RANBP17: variants seen among roughly 807,000 people sequenced by gnomAD.
RANBP17 encodes the protein ran-binding protein 17.
Under a neutral mutation model 141.2 loss-of-function variants are expected in RANBP17, and 158 were observed. The observed-to-expected ratio is 1.12, with a 90% CI of 0.98 to 1.28. RANBP17 has a LOEUF of 1.28. Ranked by LOEUF, RANBP17 falls within the 50% of genes most tolerant of loss-of-function variation. The pLI is 0.00. For synonymous variants in RANBP17, 430 were observed against 450.0 expected (o/e 0.96, Z 0.56); for missense variants, 1,438 against 1,290.7 (o/e 1.11, Z -1.75).
At chr5:170,909,975 G>A (rs1771401847) in intron 6 of RANBP17, 1 of 368,906 alleles carries the variant, frequency 2.7e-6, no homozygotes, top group Non-Finnish European at 4.8e-6. Flanking sequence ...AAATCCAAAG[G>A]GAATCTAATA....
chr5:171,259,854 G>A (rs1301309068), intron 24 of RANBP17, among the ~76,000 whole-genome samples: 6 of 151,082 alleles, frequency 4.0e-5, no homozygotes, highest in South Asian at 2.1e-4. Flanking sequence ...GATGGCAGGC[G>A]CCTGTAATCC....
intron 14 of RANBP17, among the ~76,000 whole-genome samples, chr5:171,168,619 T>G (rs1561725269): frequency 6.6e-6 from 1 of 152,176 alleles, no homozygotes; most frequent in Non-Finnish European, 1.5e-5. Flanking sequence ...TATTGAGGAT[T>G]GTTGGTAACT....
Position 171,266,445 on chromosome 5 carries a change from A to G in RANBP17, c.2943+598A>G, listed in dbSNP as rs899841455. ...AGCTAATGGGTTAGGTCCAAGTTTA[A>G]TACCATTTTTTAAAAACTCACTTGT... On this transcript the variant is annotated intron_variant, in intron 25 of 27. Coordinates refer to ENST00000523189, the MANE Select transcript of RANBP17 (RefSeq NM_022897.5). Among the ~76,000 whole-genome samples the G allele has an allele frequency of 2.0e-5, 3 of 152,190 alleles. No individual in the cohort carries two copies. The East Asian group carries it at 5.8e-4, about 29-fold the overall frequency.
intron 20 of RANBP17, among the ~76,000 whole-genome samples, chr5:171,210,429 C>G (rs984615264): frequency 2.0e-5 from 3 of 152,154 alleles, no homozygotes; most frequent in Non-Finnish European, 4.4e-5. Flanking sequence ...GTAGTGAATA[C>G]TGTGTGCTCT....
intron 14 of RANBP17, among the ~76,000 whole-genome samples, chr5:170,979,517 G>A (rs1461357503): frequency 6.6e-6 from 1 of 152,152 alleles, no homozygotes; most frequent in Admixed American, 6.5e-5. Context: ...ATGTGTTGTG[G>A]GAGGGACCCA....
At chr5:171,009,413 T>C (rs1377082691) in intron 14 of RANBP17, among the ~76,000 whole-genome samples, 1 of 152,186 alleles carries the variant, frequency 6.6e-6, no homozygotes, top group East Asian at 1.9e-4. Flanking sequence ...TCATGTAAAA[T>C]GAAAGGATTG....
chr5:170,944,088 T>C (rs894134021), intron 12 of RANBP17, among the ~76,000 whole-genome samples: 25 of 152,188 alleles, frequency 1.6e-4, no homozygotes, highest in Non-Finnish European at 8.8e-5. Context: ...GTTCTGCATA[T>C]GAGTGAGACC....
intron 16 of RANBP17, among the ~76,000 whole-genome samples, chr5:171,180,800 G>A (rs1760814524): frequency 6.6e-6 from 1 of 152,164 alleles, no homozygotes; most frequent in Admixed American, 6.5e-5. Context: ...GGTACAAAGT[G>A]CACAGATGCC....
Position 170,892,553 on chromosome 5 carries a change from G to C in RANBP17, c.423G>C (p.Gln141His), listed in dbSNP as rs1561861574. 1 of 1,612,072 alleles carries C rather than the reference G, an allele frequency of 6.2e-7. No individual in the cohort carries two copies. Among genetic ancestry groups the C allele is most frequent in the African/African-American group, 1.3e-5 (1 of 74,788 alleles). Reference sequence around the variant, plus strand: ...TTGCTGATGTGAAGAAGTTTCTCCAGGTAAGAAGTCATTGCTACATGGTTA... The same window carrying C: ...TTGCTGATGTGAAGAAGTTTCTCCACGTAAGAAGTCATTGCTACATGGTTA... ...EIIADVKKFL[Q>H]GTVEHCIIGV... Residue 141 changes from glutamine (Q) to histidine (H), a missense_variant and splice_region_variant, in exon 4 of 28, where the codon CAG (glutamine) becomes CAC (histidine). Gln to His is a conservative substitution (Grantham distance 24, BLOSUM62 0). Transcript: ENST00000523189.
rs1014114834 is a variant in RANBP17 at position 171,064,164 on chromosome 5, ACCCACTGTCCTGCG to A, written c.1710+95797_1710+95810del. Reference sequence around the variant, plus strand: ...CTTCGGCTCACACACGGTGCGCTGCACCCACTGTCCTGCGCCCACTGTCTGGCACTCCTTAGTGA... The same window carrying A: ...CTTCGGCTCACACACGGTGCGCTGCACCCACTGTCTGGCACTCCTTAGTGA... On this transcript the variant is annotated intron_variant, in intron 14 of 27. Transcript: ENST00000523189. 1.8e-4 allele frequency among the ~76,000 whole-genome samples: 27 copies of A among 152,276 alleles called. No homozygotes were observed. The East Asian group carries it at 4.3e-3, about 24-fold the overall frequency.
chr5:171,218,942 A>G (rs1763389039), intron 21 of RANBP17, among the ~76,000 whole-genome samples: 1 of 152,156 alleles, frequency 6.6e-6, no homozygotes, highest in Admixed American at 6.5e-5. Context: ...TGTCATCATG[A>G]TGCTAGCTGG....
chr5:171,156,083 A>C (rs988967614), intron 14 of RANBP17, among the ~76,000 whole-genome samples: 3 of 152,108 alleles, frequency 2.0e-5, no homozygotes, highest in African/African-American at 7.2e-5. Flanking sequence ...ATTCTTATGG[A>C]TATGTGAAGA....
chr5:171,135,127 A>G (rs999533403), intron 14 of RANBP17, among the ~76,000 whole-genome samples: 14 of 151,314 alleles, frequency 9.3e-5, no homozygotes, highest in Admixed American at 2.6e-4. Context: ...AAAAATAATA[A>G]TAATTAGCCA....
rs529366849 is a variant in RANBP17, at chr5:171,147,248, A to G, written c.1711-22882A>G. 2.6e-5 allele frequency among the ~76,000 whole-genome samples: 4 copies of G among 151,730 alleles called. No homozygotes were observed. The East Asian group carries it at 7.7e-4, about 29-fold the overall frequency. On this transcript the variant is annotated intron_variant, in intron 14 of 27. Coordinates refer to ENST00000523189, the MANE Select transcript of RANBP17 (RefSeq NM_022897.5). ...CACAATGAGTGGCATATACATTTTT[A>G]TAAACATTTGCTATTATTTTGTGCT...
intron 18 of RANBP17, among the ~76,000 whole-genome samples, chr5:171,191,182 C>T (rs948675710): frequency 2.0e-5 from 3 of 151,730 alleles, no homozygotes; most frequent in African/African-American, 7.3e-5. Flanking sequence ...TCTTGAATGA[C>T]GAATGACTTG....
At chr5:171,141,229 A>C (rs900532560) in intron 14 of RANBP17, among the ~76,000 whole-genome samples, 1 of 152,152 alleles carries the variant, frequency 6.6e-6, no homozygotes, top group African/African-American at 2.4e-5. Flanking sequence ...CTCAGTGGAA[A>C]CAAAGTATAC....
At position 170,971,258 on chromosome 5, in the gene RANBP17, T is replaced by C. The variant is rs1776964297; in HGVS notation, c.1710+2881T>C. ...TGATGTATGTGATAGAAGTCCTATATGTGAGAAAGAATGTTGTAAATAGTA... is the reference window on the plus strand; with the variant it reads ...TGATGTATGTGATAGAAGTCCTATACGTGAGAAAGAATGTTGTAAATAGTA... On this transcript the variant is annotated intron_variant, in intron 14 of 27. Coordinates refer to ENST00000523189, the MANE Select transcript of RANBP17 (RefSeq NM_022897.5). Among the ~76,000 whole-genome samples, 3 of 152,228 alleles carry C rather than the reference T, an allele frequency of 2.0e-5. No individual in the cohort carries two copies. The South Asian group carries it at 6.2e-4, about 32-fold the overall frequency.
rs115845064 is a variant in RANBP17, at chr5:171,194,369, C to T, written c.2039-5301C>T. 7.5e-3 allele frequency among the ~76,000 whole-genome samples: 1,145 copies of T among 152,202 alleles called. 13 individuals carry two copies. The highest frequency in any genetic ancestry group is 0.026 in the African/African-American group (1,083 of 41,526). ...GTACCATTAAGTAATTGCTTCTCTTCTCCCCTCCCCCAAACCCTGGAAACC... is the reference window on the plus strand; with the variant it reads ...GTACCATTAAGTAATTGCTTCTCTTTTCCCCTCCCCCAAACCCTGGAAACC... On this transcript the variant is annotated intron_variant, in intron 18 of 27. Coordinates refer to ENST00000523189, the MANE Select transcript of RANBP17 (RefSeq NM_022897.5).
intron 14 of RANBP17, among the ~76,000 whole-genome samples, chr5:171,062,265 T>C (rs1269218103): frequency 6.6e-6 from 1 of 152,240 alleles, no homozygotes; most frequent in Non-Finnish European, 1.5e-5. Context: ...TGATGGTCTT[T>C]ACAATTTGGC....
Sources: allele counts gnomAD v4.1 joint callset (sites outside exome capture counted in the v4.1 genomes callset), GRCh38; gene constraint gnomAD v4.1.1; transcripts MANE v1.5; gene names NCBI Gene and HGNC (gene_info 2026-07-23, HGNC 2026-07-21).